Variants in CTNND2 observed in about 807,000 individuals in gnomAD.
CTNND2 encodes the protein catenin delta 2.
A neutral mutation model predicts 144.4 loss-of-function variants in CTNND2; 22 were observed. That is an observed-to-expected ratio of 0.15 (90% CI 0.11 to 0.22). CTNND2 has a LOEUF of 0.22. Among genes scored for constraint, CTNND2 ranks in the 10% least tolerant of loss-of-function variants. CTNND2 has a pLI of 1.00. For missense variants in CTNND2, 1,353 were observed against 1,618.8 expected, an observed-to-expected ratio of 0.84 and a Z score of 2.82; for synonymous variants, 751 against 695.6, an observed-to-expected ratio of 1.08 and a Z score of -1.25.
At chr5:11,609,367 A>G (rs945653983) in intron 2 of CTNND2, among the ~76,000 whole-genome samples, 7 of 152,114 alleles carry the variant, frequency 4.6e-5, no homozygotes. Context: ...TAGTTGATCG[A>G]AAGTTTCAGC....
At chr5:11,524,499 CTGAG>C (rs1773036669) in intron 3 of CTNND2, among the ~76,000 whole-genome samples, 1 of 152,172 alleles carries the variant, frequency 6.6e-6, no homozygotes, top group African/African-American at 2.4e-5. Flanking sequence ...TTAATGGAGG[CTGAG>C]TGAGGACGCT....
intron 3 of CTNND2, among the ~76,000 whole-genome samples, chr5:11,416,628 T>C (rs2149844857): frequency 6.6e-6 from 1 of 152,324 alleles, no homozygotes; most frequent in South Asian, 2.1e-4. Flanking sequence ...TATTTATTTA[T>C]TCAATAAACA....
At chr5:11,672,832 C>T (rs149361773) in intron 2 of CTNND2, among the ~76,000 whole-genome samples, 12 of 152,274 alleles carry the variant, frequency 7.9e-5, no homozygotes, top group African/African-American at 2.9e-4. Flanking sequence ...AGTACAGTCT[C>T]TCACAGCTTC....
chr5:11,361,918 A>C (rs946409105), intron 8 of CTNND2, among the ~76,000 whole-genome samples: 1 of 152,192 alleles, frequency 6.6e-6, no homozygotes. Flanking sequence ...TATCATCTGG[A>C]AATGCCTTAT....
intron 9 of CTNND2, among the ~76,000 whole-genome samples, chr5:11,269,603 T>C (rs26464): frequency 0.16 from 23,962 of 152,116 alleles, 2,197 homozygotes; most frequent in African/African-American, 0.24. Flanking sequence ...ATGTTTAATA[T>C]AAAGAAATCA....
At chr5:11,462,048 C>T (rs910294871) in intron 3 of CTNND2, among the ~76,000 whole-genome samples, 4 of 152,062 alleles carry the variant, frequency 2.6e-5, no homozygotes, top group African/African-American at 4.8e-5. Flanking sequence ...AGGTGGTGAC[C>T]AGATCACAGT....
chr5:11,744,657 C>A lies in CTNND2; in HGVS notation c.38-12385G>T, dbSNP rs558526710. On this transcript the variant is annotated intron_variant, in intron 1 of 21. Coordinates refer to ENST00000304623, the MANE Select transcript of CTNND2 (RefSeq NM_001332.4). Reference sequence around the variant, plus strand: ...GTCAGCAGACATGCTGTTGGTAGATCCTTGAAGAGGAGTGTGTGTGTGTGT... The same window carrying A: ...GTCAGCAGACATGCTGTTGGTAGATACTTGAAGAGGAGTGTGTGTGTGTGT... Among the ~76,000 whole-genome samples the A allele has an allele frequency of 5.5e-4, 83 of 150,256 alleles. 1 individual carries two copies. The South Asian group carries it at 0.017, about 31-fold the overall frequency.
At chr5:11,589,866 A>G (rs1418710059) in intron 2 of CTNND2, among the ~76,000 whole-genome samples, 1 of 152,202 alleles carries the variant, frequency 6.6e-6, no homozygotes, top group Non-Finnish European at 1.5e-5. Context: ...GTGAGTATTA[A>G]CAAGATGATA....
rs1417229552 is a variant in CTNND2 at position 11,850,042 on chromosome 5, C to T, written c.37+53775G>A. ...TGTATACCTATGTAACAAACCTGCA[C>T]GTTCTGCACATGTATCCCAAAACTT... is the stretch of plus-strand genomic sequence containing the variant. On this transcript the variant is annotated intron_variant, in intron 1 of 21. Coordinates refer to ENST00000304623, the MANE Select transcript of CTNND2 (RefSeq NM_001332.4). Among the ~76,000 whole-genome samples the T allele has an allele frequency of 6.6e-5, 10 of 152,112 alleles. No individual in the cohort carries two copies. The South Asian group carries it at 1.0e-3, about 16-fold the overall frequency.
chr5:11,883,087 T>C (rs1188628265), intron 1 of CTNND2, among the ~76,000 whole-genome samples: 1 of 152,140 alleles, frequency 6.6e-6, no homozygotes, highest in Non-Finnish European at 1.5e-5. Context: ...TGGGATTACT[T>C]TCTTCATTTC....
intron 3 of CTNND2, among the ~76,000 whole-genome samples, chr5:11,550,072 A>G (rs1775628432): frequency 6.6e-6 from 1 of 152,232 alleles, no homozygotes; most frequent in South Asian, 2.1e-4. Context: ...TGTATGGAAT[A>G]CTTTCTCAGT....
chr5:11,770,417 AAGGAAGGAAGGAAGG>A (rs1789855979), intron 1 of CTNND2, among the ~76,000 whole-genome samples: 1 of 4,594 alleles, frequency 2.2e-4, no homozygotes. Flanking sequence ...AAAAGGAAAG[AAGGAAGGAAGGAAGG>A]AAGGAAGGAA....
rs1453862510 is a variant in CTNND2 at position 11,904,253 on chromosome 5, C to A, written c.-400G>T. ...GCGAGCCTGGGGCCGCCGCGGCGCC[C>A]GGCGCCGAGCGCTCCCGAGCTGCGC... On this transcript the variant is annotated 5_prime_UTR_variant, in exon 1 of 22. Transcript: ENST00000304623. The surrounding 1 kb of genome is among the most constrained non-coding windows in gnomAD (Gnocchi z 4.2). 2.1e-5 allele frequency among the ~76,000 whole-genome samples: 3 copies of A among 145,682 alleles called. No individual in the cohort carries two copies. The highest frequency in any genetic ancestry group is 4.9e-5 in the African/African-American group (2 of 40,728).
chr5:11,139,333 C>A (rs1292754288), intron 12 of CTNND2, among the ~76,000 whole-genome samples: 1 of 152,194 alleles, frequency 6.6e-6, no homozygotes, highest in Non-Finnish European at 1.5e-5. Flanking sequence ...GTCTGCATCC[C>A]AGCATACTGC....
intron 1 of CTNND2, among the ~76,000 whole-genome samples, chr5:11,873,008 TTAAAC>T (rs1467490260): frequency 1.3e-5 from 2 of 152,140 alleles, no homozygotes; most frequent in Non-Finnish European, 1.5e-5. Context: ...TGGGATCTAA[TTAAAC>T]TAAAGAGCTT....
At chr5:11,738,705 C>T (rs1284186100) in intron 1 of CTNND2, among the ~76,000 whole-genome samples, 1 of 152,206 alleles carries the variant, frequency 6.6e-6, no homozygotes, top group Non-Finnish European at 1.5e-5. Flanking sequence ...CTGATGATGT[C>T]TGTATCACAC....
Position 11,061,242 on chromosome 5 carries a change from A to C in CTNND2, c.2788+21454T>G, listed in dbSNP as rs181472924. ...TGCTACAACTCTGGTCCTGGACAGC[A>C]TGAGCTCTTTCCCAGACTCCTGAAT... On this transcript the variant is annotated intron_variant, in intron 16 of 21. Coordinates refer to ENST00000304623, the MANE Select transcript of CTNND2 (RefSeq NM_001332.4). Among the ~76,000 whole-genome samples, 4 of 152,282 alleles carry C rather than the reference A, an allele frequency of 2.6e-5. No individual in the cohort carries two copies. The East Asian group carries it at 7.7e-4, about 29-fold the overall frequency.
chr5:11,073,296 G>C (rs1239847838), intron 16 of CTNND2, among the ~76,000 whole-genome samples: 1 of 152,170 alleles, frequency 6.6e-6, no homozygotes, highest in African/African-American at 2.4e-5. Flanking sequence ...TTTGGCTGTG[G>C]TATTTGAGGA....
intron 9 of CTNND2, among the ~76,000 whole-genome samples, chr5:11,271,138 A>G (rs1745964401): frequency 6.6e-6 from 1 of 152,206 alleles, no homozygotes; most frequent in Non-Finnish European, 1.5e-5. Context: ...ATCCTCGCAA[A>G]GGTAGATGCA....
Sources: gnomAD v4.1 joint callset for allele counts (sites outside exome capture counted in the v4.1 genomes callset) on GRCh38, gnomAD v4.1.1 for gene constraint, Gnocchi (gnomAD v3.1) non-coding constraint, MANE v1.5 for transcripts, NCBI Gene and HGNC (gene_info 2026-07-23, HGNC 2026-07-21) for gene names.